SPINK5: variants seen among roughly 807,000 people sequenced by gnomAD.
The protein encoded by SPINK5 is serine peptidase inhibitor Kazal type 5.
A neutral mutation model predicts 151.8 loss-of-function variants in SPINK5; 125 were observed. That is an observed-to-expected ratio of 0.82 (90% CI 0.71 to 0.96). The LOEUF (loss-of-function observed/expected upper bound fraction) is 0.96, where lower values mean the gene tolerates loss of function less well. SPINK5 is among the 40% of genes least tolerant of loss of function. SPINK5 has a pLI of 0.00. For missense variants in SPINK5, 1,194 were observed against 1,291.9 expected (o/e 0.92, Z 1.16); for synonymous variants, 374 against 395.3 (o/e 0.95, Z 0.64).
At chr5:148,107,004 C>G in intron 16 of SPINK5, 33 bp from the exon 17 acceptor site, 4 of 1,607,344 alleles carry the variant, frequency 2.5e-6, no homozygotes, top group Non-Finnish European at 3.4e-6. Context: ...GGATAGAAAA[C>G]TACTCTGAGA....
At chr5:148,100,913 A>G (rs1753624710) in intron 13 of SPINK5, among the ~76,000 whole-genome samples, 2 of 152,164 alleles carry the variant, frequency 1.3e-5, no homozygotes, top group South Asian at 4.1e-4. Context: ...ACAGGTTCCA[A>G]GTGGATGCCA....
At position 148,101,781 on chromosome 5, in the gene SPINK5, G is replaced by C. The variant is rs1463504017; in HGVS notation, c.1303G>C (p.Glu435Gln). The change falls in exon 15 of 33, where the codon GAG becomes CAG. Residue 435 changes from glutamate to glutamine, a missense_variant and splice_region_variant. Transcript: ENST00000256084. ...TCAACTTCCTGCCTCAATTTCACAG[G>C]AGTTGTGTAGTGAATACCGCAAATC... Reference protein sequence around the residue: ...RQSKSTASFEELCSEYRKSRK... With the variant: ...RQSKSTASFEQLCSEYRKSRK... 3 of 1,613,646 alleles carry C rather than the reference G, an allele frequency of 1.9e-6. No individual in the cohort carries two copies. In the Admixed American group the frequency reaches 5.0e-5, roughly 27 times the overall value.
rs374054110 is a variant in SPINK5, at chr5:148,064,092, C to T, written c.48C>T (p.Leu16=). The T allele has an allele frequency of 4.3e-5, 69 of 1,614,144 alleles. No homozygotes were observed. In the East Asian group the frequency reaches 1.2e-3, roughly 28 times the overall value. The change falls in exon 1 of 33, where the codon CTC becomes CTT. Residue 16 remains leucine (L), a synonymous_variant. Transcript: ENST00000256084. ...TGCTTCTGCCCTTGGCTCTTTGCCTCATACAAGGTGAGCAATTTGTGTGTA... is the reference window on the plus strand; with the variant it reads ...TGCTTCTGCCCTTGGCTCTTTGCCTTATACAAGGTGAGCAATTTGTGTGTA... ...VSVLLPLALC[L]IQDAASKNED...
intron 10 of SPINK5, among the ~76,000 whole-genome samples, chr5:148,097,243 T>C (rs1013002173): frequency 5.9e-5 from 9 of 152,008 alleles, no homozygotes; most frequent in Non-Finnish European, 1.3e-4. Context: ...GCTATAAACA[T>C]TTATAATTTT....
At chr5:148,076,283 G>T (rs930149144) in intron 4 of SPINK5, among the ~76,000 whole-genome samples, 11 of 151,612 alleles carry the variant, frequency 7.3e-5, no homozygotes, top group Non-Finnish European at 1.0e-4. Context: ...TAGGAAGCCA[G>T]GCTTAAAAAA....
At chr5:148,134,100 T>G in intron 32 of SPINK5, 1 of 633,124 alleles carries the variant, frequency 1.6e-6, no homozygotes, top group Non-Finnish European at 2.9e-6. Context: ...TTTAAAATAT[T>G]TAATGGGTCC....
At chr5:148,068,045 T>C (rs933810110) in intron 2 of SPINK5, among the ~76,000 whole-genome samples, 1 of 152,190 alleles carries the variant, frequency 6.6e-6, no homozygotes, top group African/African-American at 2.4e-5. Flanking sequence ...GACCCCAGGC[T>C]CTTCTCTGAT....
At chr5:148,109,582 A>G (rs926733591) in intron 18 of SPINK5, among the ~76,000 whole-genome samples, 1 of 151,668 alleles carries the variant, frequency 6.6e-6, no homozygotes, top group Non-Finnish European at 1.5e-5. Flanking sequence ...CTTGAGAACC[A>G]AGAATTGAAC....
intron 4 of SPINK5, among the ~76,000 whole-genome samples, chr5:148,072,649 G>A (rs1440576632): frequency 6.6e-6 from 1 of 151,908 alleles, no homozygotes; most frequent in Non-Finnish European, 1.5e-5. Context: ...GTTTTAGACC[G>A]AATAGAAACT....
At chr5:148,070,497 T>C (rs773683150) in intron 3 of SPINK5, 47 bp downstream of exon 3, 1 of 1,607,886 alleles carries the variant, frequency 6.2e-7, no homozygotes, top group Non-Finnish European at 8.5e-7. Context: ...AGTTAACAGC[T>C]AGTCTCTGAA....
In SPINK5 at chr5:148,101,822, G is replaced by A. The variant is rs17107741; in HGVS notation, c.1344G>A (p.Arg448=). The change falls in exon 15 of 33, where the codon CGG becomes CGA. Residue 448 remains arginine (R), a synonymous_variant. Coordinates refer to ENST00000256084, the MANE Select transcript of SPINK5 (RefSeq NM_006846.4). The part of the protein sequence containing the change: ...SEYRKSRKNG[R]LFCTRENDPI... Reference sequence around the variant, plus strand: ...ACCGCAAATCCAGGAAAAACGGACGGCTTTTTTGCACCAGAGAGAATGACC... The same window carrying A: ...ACCGCAAATCCAGGAAAAACGGACGACTTTTTTGCACCAGAGAGAATGACC... The A allele has an allele frequency of 9.4e-3, 15,103 of 1,613,694 alleles. 1,194 individuals are homozygous for A. The African/African-American group carries it at 0.17, about 19-fold the overall frequency.
intron 15 of SPINK5, among the ~76,000 whole-genome samples, chr5:148,103,966 T>A (rs1355807326): frequency 1.3e-5 from 2 of 152,154 alleles, no homozygotes; most frequent in Non-Finnish European, 2.9e-5. Flanking sequence ...TGCAACACTG[T>A]TAGTTATCCA....
At chr5:148,133,933 C>G (rs1157938630) in intron 32 of SPINK5, 46 bp downstream of exon 32, 14 of 1,593,116 alleles carry the variant, frequency 8.8e-6, no homozygotes, top group African/African-American at 1.3e-5. Flanking sequence ...TTGTGAGGAG[C>G]ACTGGGTTCT....
intron 30 of SPINK5, among the ~76,000 whole-genome samples, chr5:148,127,775 T>G (rs1396428304): frequency 3.3e-5 from 5 of 152,170 alleles, no homozygotes; most frequent in Non-Finnish European, 5.9e-5. Context: ...GAAGGATGGC[T>G]TGAGCCCAGG....
intron 4 of SPINK5, among the ~76,000 whole-genome samples, chr5:148,080,000 G>A (rs1307397280): frequency 6.6e-6 from 1 of 150,858 alleles, no homozygotes; most frequent in Non-Finnish European, 1.5e-5. Context: ...TACCATATAT[G>A]AAAAGTTCTA....
At chr5:148,099,465 G>T in intron 12 of SPINK5, 150 bp downstream of exon 12, 1 of 605,664 alleles carries the variant, frequency 1.7e-6, no homozygotes, top group Non-Finnish European at 2.9e-6. Context: ...TATATGGGAA[G>T]ATTGATCCAT....
intron 24 of SPINK5, 106 bp from the exon 25 acceptor site, chr5:148,119,903 A>T (rs1161817957): frequency 2.7e-5 from 36 of 1,316,654 alleles, no homozygotes; most frequent in Non-Finnish European, 3.7e-5. Context: ...TATCACAGCA[A>T]GGTTACATGG....
At chr5:148,099,205 G>T in intron 11 of SPINK5, 29 bp from the exon 12 acceptor site, 1 of 1,584,118 alleles carries the variant, frequency 6.3e-7, no homozygotes. Flanking sequence ...TGTTCCTAAT[G>T]GATCTGCTTC....
At chr5:148,130,691 G>C (rs145060578) in intron 30 of SPINK5, among the ~76,000 whole-genome samples, 3 of 152,204 alleles carry the variant, frequency 2.0e-5, no homozygotes, top group African/African-American at 7.2e-5. Context: ...CAGATACTGC[G>C]TTAAGCATGA....
Sources: allele counts gnomAD v4.1 joint callset (sites outside exome capture counted in the v4.1 genomes callset), GRCh38; gene constraint gnomAD v4.1.1; transcripts MANE v1.5; gene names NCBI Gene and HGNC (gene_info 2026-07-23, HGNC 2026-07-21).